PTPN3: variants seen among roughly 807,000 people sequenced by gnomAD.
PTPN3 encodes the protein protein tyrosine phosphatase non-receptor type 3, also known as tyrosine-protein phosphatase non-receptor type 3.
PTPN3 carries 96 observed loss-of-function variants against 132.7 expected under a neutral mutation model. That is an observed-to-expected ratio of 0.72 (90% CI 0.61 to 0.86). The LOEUF (loss-of-function observed/expected upper bound fraction) is 0.86, where lower values mean the gene tolerates loss of function less well. PTPN3 is among the 40% of genes least tolerant of loss of function. The pLI is 0.00. For synonymous variants in PTPN3, 398 were observed against 429.0 expected (o/e 0.93, Z 0.89); for missense variants, 1,125 against 1,159.6 (o/e 0.97, Z 0.43).
At chr9:109,535,508 T>C in the PTPN3 span, among the ~76,000 whole-genome samples, 2 of 130,546 alleles carry the variant, frequency 1.5e-5, no homozygotes, top group East Asian at 6.6e-4. Context: ...ACACATCCTC[T>C]TTTTTTTTTC....
chr9:109,502,416 G>A (rs1564494973), upstream of PTPN3, among the ~76,000 whole-genome samples: 1 of 152,168 alleles, frequency 6.6e-6, no homozygotes. Flanking sequence ...ATAAATACAT[G>A]GGCAAGTGGT....
At position 109,379,136 on chromosome 9, in the gene PTPN3, C is replaced by A. The variant is rs1838810577; in HGVS notation, c.*420G>T. 5.9e-6 allele frequency: 1 copy of A among 169,594 alleles called. No individual in the cohort carries two copies. Among genetic ancestry groups the A allele is most frequent in the South Asian group, 1.6e-4 (1 of 6,362 alleles). The allele number at this position is 169,594 out of a possible 1,614,324, so 10.5% of individuals were successfully genotyped here. ...CCACCTAGAAGCACAGAAAGCTCAG[C>A]CCTTACAGTCTGACACACAGAAACA... On this transcript the variant is annotated 3_prime_UTR_variant, in exon 26 of 26. Transcript: ENST00000374541.
the PTPN3 span, among the ~76,000 whole-genome samples, chr9:109,534,530 A>AC: frequency 6.6e-6 from 1 of 151,056 alleles, no homozygotes; most frequent in Non-Finnish European, 1.5e-5. Context: ...TAATCCTAGC[A>AC]CTTTGGGAGG....
chr9:109,516,233 A>G, the PTPN3 span, among the ~76,000 whole-genome samples: 1 of 152,246 alleles, frequency 6.6e-6, no homozygotes, highest in African/African-American at 2.4e-5. Flanking sequence ...ACACCGGGAT[A>G]CAAAGGCCAA....
Position 109,451,193 on chromosome 9 carries a change from A to G in PTPN3, c.369-2338T>C, listed in dbSNP as rs1845219920. On this transcript the variant is annotated intron_variant, in intron 5 of 25. Transcript: ENST00000374541. ...CCTTTGAGTCCAGGAGTTTGAGGCC[A>G]GTCTGGGCAACATAGCAAGACCCTG... 3.6e-5 allele frequency: 35 copies of G among 970,274 alleles called. 1 individual carries two copies. Among genetic ancestry groups the G allele is most frequent in the Non-Finnish European group, 4.3e-5 (35 of 816,392 alleles). 60.1% of individuals were successfully genotyped at this position (970,274 alleles called of 1,614,324 possible). A position where few individuals can be genotyped will look rare whatever the true frequency, so the allele number is the denominator to read the frequency against.
At chr9:109,440,677 T>C (rs1039417053) in intron 7 of PTPN3, among the ~76,000 whole-genome samples, 3 of 152,248 alleles carry the variant, frequency 2.0e-5, no homozygotes, top group Admixed American at 2.0e-4. Context: ...GTTGGTTTCA[T>C]TAGCTCATGG....
At chr9:109,537,476 C>T in the PTPN3 span, among the ~76,000 whole-genome samples, 6 of 152,132 alleles carry the variant, frequency 3.9e-5, no homozygotes, top group African/African-American at 7.2e-5. Context: ...GTGGGCAGGT[C>T]GAGTCTTGTC....
intron 25 of PTPN3, 38 bp from the exon 26 acceptor site, chr9:109,379,671 C>T (rs1437326565): frequency 6.5e-7 from 1 of 1,542,954 alleles, no homozygotes; most frequent in Non-Finnish European, 9.0e-7. Context: ...CCTGTAGCTC[C>T]AGGAAATGCT....
rs1554794706 is a variant in PTPN3 at position 109,438,103 on chromosome 9, G to A, written c.587+11C>T. ...CAAGTCCCCAAAGTAGGCCACCCCA[G>A]CCCCCCTCACCTGTGCTGCTCATGC... On this transcript the variant is annotated intron_variant, in intron 8 of 25. Transcript: ENST00000374541. 1.2e-6 allele frequency: 2 copies of A among 1,609,450 alleles called. No individual in the cohort carries two copies. Among genetic ancestry groups the A allele is most frequent in the Non-Finnish European group, 1.7e-6 (2 of 1,178,218 alleles).
intron 16 of PTPN3, among the ~76,000 whole-genome samples, chr9:109,408,774 T>C (rs1333950608): frequency 1.3e-5 from 1 of 79,940 alleles, no homozygotes; most frequent in Non-Finnish European, 2.3e-5. Flanking sequence ...CTAGAACTTA[T>C]AATAATTAAA....
At chr9:109,503,295 C>T (rs1847881887), upstream of PTPN3, among the ~76,000 whole-genome samples, 1 of 152,118 alleles carries the variant, frequency 6.6e-6, no homozygotes, top group Non-Finnish European at 1.5e-5. Flanking sequence ...GCTAGAGAAG[C>T]GTTAGTCAAA....
chr9:109,483,858 C>T (rs1294357067), intron 1 of PTPN3, among the ~76,000 whole-genome samples: 1 of 152,142 alleles, frequency 6.6e-6, no homozygotes, highest in Non-Finnish European at 1.5e-5. Context: ...ACAAGGCTCC[C>T]CATCATTAAT....
rs369419884 is a variant in PTPN3 at position 109,433,038 on chromosome 9, T to C, written c.764+35A>G. On this transcript the variant is annotated intron_variant, in intron 10 of 25. Coordinates refer to ENST00000374541, the MANE Select transcript of PTPN3 (RefSeq NM_002829.4). ...TTTTGTTAGGCATATTTTTAAAGCA[T>C]GATTCAGAAAATAATGAGAACTGTT... 100 of 1,607,624 alleles carry C rather than the reference T, an allele frequency of 6.2e-5. No individual in the cohort carries two copies. In the African/African-American group the frequency reaches 1.1e-3, roughly 18 times the overall value.
intron 1 of PTPN3, among the ~76,000 whole-genome samples, chr9:109,480,462 C>A (rs958755849): frequency 7.9e-5 from 12 of 152,208 alleles, no homozygotes; most frequent in Non-Finnish European, 2.9e-5. Context: ...CTGCGCCTGG[C>A]CTATTCTCTC....
intron 1 of PTPN3, among the ~76,000 whole-genome samples, chr9:109,481,502 C>T (rs777199094): frequency 1.6e-4 from 24 of 152,152 alleles, no homozygotes; most frequent in Non-Finnish European, 2.6e-4. Context: ...GTGCTGTTCC[C>T]TCTCCTTGAA....
At chr9:109,508,962 G>C in the PTPN3 span, among the ~76,000 whole-genome samples, 2 of 152,176 alleles carry the variant, frequency 1.3e-5, no homozygotes, top group African/African-American at 4.8e-5. Flanking sequence ...GGGAGGTCGA[G>C]GTGGGAGGAT....
At chr9:109,490,450 A>T (rs1847406442) in intron 1 of PTPN3, among the ~76,000 whole-genome samples, 2 of 152,058 alleles carry the variant, frequency 1.3e-5, no homozygotes, top group Non-Finnish European at 2.9e-5. Flanking sequence ...AAAAACGTCA[A>T]GGTCTGGCTG....
the PTPN3 span, among the ~76,000 whole-genome samples, chr9:109,524,118 C>A: frequency 6.6e-6 from 1 of 152,050 alleles, no homozygotes; most frequent in South Asian, 2.1e-4. Context: ...CTGATGTGCA[C>A]CTGTGGTCCC....
At chr9:109,530,394 A>G in the PTPN3 span, among the ~76,000 whole-genome samples, 1 of 152,216 alleles carries the variant, frequency 6.6e-6, no homozygotes, top group Admixed American at 6.5e-5. Context: ...AGCATGTGTC[A>G]GAATTTCCTT....
Sources: allele counts gnomAD v4.1 joint callset (sites outside exome capture counted in the v4.1 genomes callset), GRCh38; gene constraint gnomAD v4.1.1; transcripts MANE v1.5; gene names NCBI Gene and HGNC (gene_info 2026-07-23, HGNC 2026-07-21).